COL4A3: variants seen among roughly 807,000 people sequenced by gnomAD.
The protein encoded by COL4A3 is collagen type IV alpha 3 chain.
COL4A3 carries 135 observed loss-of-function variants against 217.4 expected under a neutral mutation model. That is an observed-to-expected ratio of 0.62 (90% CI 0.54 to 0.72). The LOEUF (loss-of-function observed/expected upper bound fraction) is 0.72. Among genes scored for constraint, COL4A3 ranks in the 30% least tolerant of loss-of-function variants. The pLI, the probability that COL4A3 is intolerant of heterozygous loss-of-function variation, is 0.00. For missense variants in COL4A3, 1,868 were observed against 2,119.9 expected (o/e 0.88, Z 2.33); for synonymous variants, 690 against 736.3 (o/e 0.94, Z 1.02).
At chr2:227,294,713 G>C in intron 39 of COL4A3, 143 bp downstream of exon 39, 2 of 723,022 alleles carry the variant, frequency 2.8e-6, no homozygotes. Flanking sequence ...AAAAAATGGG[G>C]TTAGATATTT....
Position 227,164,738 on chromosome 2 carries a change from G to T in COL4A3, c.12G>T (p.Arg4=), listed in dbSNP as rs1332533087. The T allele has an allele frequency of 2.0e-5, 31 of 1,529,790 alleles. No homozygotes were observed. Among genetic ancestry groups the T allele is most frequent in the Non-Finnish European group, 2.4e-5 (27 of 1,145,016 alleles). 94.8% of individuals were successfully genotyped at this position (1,529,790 alleles called of 1,614,324 possible). A position where few individuals can be genotyped will look rare whatever the true frequency, so the allele number is the denominator to read the frequency against. The change falls in exon 1 of 52, where the codon CGG becomes CGT. Residue 4 remains arginine, a synonymous_variant. Transcript: ENST00000396578. This position sits in a 1 kb window ranked among gnomAD's most constrained non-coding sequence, Gnocchi z 4.8. MSA[R]TAPRPQVLLL... is the part of the protein sequence containing the mutation. ...AGCGCGCGCCCACCATGAGCGCCCGGACCGCCCCCAGGCCGCAGGTGCTCC... is the reference window on the plus strand; with the variant it reads ...AGCGCGCGCCCACCATGAGCGCCCGTACCGCCCCCAGGCCGCAGGTGCTCC...
intron 19 of COL4A3, among the ~76,000 whole-genome samples, chr2:227,260,401 G>A (rs2070478884): frequency 6.6e-6 from 1 of 152,144 alleles, no homozygotes; most frequent in Non-Finnish European, 1.5e-5. Context: ...CTTCTATAAT[G>A]GCCTCGTCAA....
intron 1 of COL4A3, among the ~76,000 whole-genome samples, chr2:227,188,321 A>T (rs907053037): frequency 1.3e-5 from 2 of 151,854 alleles, no homozygotes; most frequent in Non-Finnish European, 2.9e-5. Flanking sequence ...CCTTTTTTCT[A>T]GGAGAGTTTT....
intron 1 of COL4A3, among the ~76,000 whole-genome samples, chr2:227,179,450 G>C (rs1004665873): frequency 6.6e-6 from 1 of 152,130 alleles, no homozygotes; most frequent in East Asian, 1.9e-4. Context: ...TCTAAAAATA[G>C]TTTAACCTAC....
At chr2:227,290,183 T>C in intron 36 of COL4A3, 95 bp downstream of exon 36, 3 of 1,203,074 alleles carry the variant, frequency 2.5e-6, no homozygotes, top group Non-Finnish European at 3.7e-6. Context: ...TTCCACTTGG[T>C]AGAAAGCTTA....
Position 227,304,079 on chromosome 2 carries a change from C to G in COL4A3, c.4088C>G (p.Pro1363Arg). Residue 1363 changes from proline (P) to arginine (R), a missense_variant, in exon 46 of 52, where the codon CCT (proline) becomes CGT (arginine). By Grantham distance (103) the Pro-to-Arg change is moderately radical (BLOSUM62 -2). Transcript: ENST00000396578. ...TCCCTTCCAGGAAGCCCAGGGCCACCTGGCACACCTGGAGAACCAGGGATG... is the reference window on the plus strand; with the variant it reads ...TCCCTTCCAGGAAGCCCAGGGCCACGTGGCACACCTGGAGAACCAGGGATG... ...IISLPGSPGP[P>R]GTPGEPGMQG... 1.9e-6 allele frequency: 3 copies of G among 1,614,186 alleles called. No homozygotes were observed. Among genetic ancestry groups the G allele is most frequent in the Non-Finnish European group, 2.5e-6 (3 of 1,180,032 alleles).
rs779948497 is a variant in COL4A3 at position 227,256,389 on chromosome 2, G to A, written c.980G>A (p.Gly327Asp). The change falls in exon 17 of 52, where the codon GGC becomes GAC. Residue 327 changes from glycine (G) to aspartate (D), a missense_variant. Around this residue, in one of 2 missense-constraint regions of COL4A3, gnomAD observed 1,503 missense variants for 1,786.1 expected, o/e 0.84. Transcript: ENST00000396578. ...RGFPGLMGED[G>D]IKGQKGDIGP... ...TTCCCTGGGTTAATGGGTGAAGATGGCATTAAGGTAATCCTCTCCCTAATA... is the reference window on the plus strand; with the variant it reads ...TTCCCTGGGTTAATGGGTGAAGATGACATTAAGGTAATCCTCTCCCTAATA... 6.2e-7 allele frequency: 1 copy of A among 1,612,742 alleles called. No individual in the cohort carries two copies.
chr2:227,166,510 G>A (rs1559787734), intron 1 of COL4A3, among the ~76,000 whole-genome samples: 1 of 152,218 alleles, frequency 6.6e-6, no homozygotes, highest in Non-Finnish European at 1.5e-5. Flanking sequence ...GCCTGAAAAA[G>A]TAATGCTTGG....
chr2:227,304,096 C>T lies in COL4A3; in HGVS notation c.4105C>T (p.Pro1369Ser). Residue 1369 changes from proline (P) to serine (S), a missense_variant, in exon 46 of 52, where the codon CCA becomes TCA. Coordinates refer to ENST00000396578, the MANE Select transcript of COL4A3 (RefSeq NM_000091.5). ...AGGGCCACCTGGCACACCTGGAGAA[C>T]CAGGGATGCAGGGAGAACCTGGGCC... The part of the protein sequence containing the change: ...SPGPPGTPGE[P>S]GMQGEPGPPG... The T allele has an allele frequency of 6.2e-7, 1 of 1,614,186 alleles. No individual in the cohort carries two copies. The highest frequency in any genetic ancestry group is 1.3e-5 in the African/African-American group (1 of 75,056).
intron 40 of COL4A3, 36 bp downstream of exon 40, chr2:227,295,098 T>C (rs376113561): frequency 1.1e-5 from 17 of 1,586,104 alleles, no homozygotes; most frequent in African/African-American, 2.7e-5. Context: ...CCGTTAGTTT[T>C]ATTTTGGATA....
At chr2:227,292,059 A>G (rs1417152391) in intron 37 of COL4A3, among the ~76,000 whole-genome samples, 1 of 152,208 alleles carries the variant, frequency 6.6e-6, no homozygotes, top group Non-Finnish European at 1.5e-5. Context: ...ATGTTTGAAA[A>G]TGTTTTTGTA....
At chr2:227,226,482 T>C (rs1308378101) in intron 1 of COL4A3, among the ~76,000 whole-genome samples, 1 of 151,820 alleles carries the variant, frequency 6.6e-6, no homozygotes, top group Non-Finnish European at 1.5e-5. Context: ...TTTGTTTTTT[T>C]TTTTTTAGAT....
chr2:227,248,434 A>G lies in COL4A3; in HGVS notation c.469-9A>G, dbSNP rs1016662285. 2.5e-6 allele frequency: 4 copies of G among 1,587,594 alleles called. No individual in the cohort carries two copies. The highest frequency in any genetic ancestry group is 3.3e-4 in the Middle Eastern group (2 of 6,018). ...TTGATGATGTTTGATGAACTTCTTC[A>G]TTTTCAAGGGTGCTCCTGCTAAAGA... On this transcript the variant is annotated splice_polypyrimidine_tract_variant and intron_variant, in intron 8 of 51. Coordinates refer to ENST00000396578, the MANE Select transcript of COL4A3 (RefSeq NM_000091.5).
In COL4A3 at chr2:227,279,856, G is replaced by A. The variant is rs2071838155; in HGVS notation, c.2189G>A (p.Gly730Glu). The A allele has an allele frequency of 6.2e-7, 1 of 1,609,470 alleles. No individual in the cohort carries two copies. The highest frequency in any genetic ancestry group is 8.5e-7 in the Non-Finnish European group (1 of 1,178,040). ...LGCPGKMGEP[G>E]LPGKPGLPGA... ...TGTCCTGGAAAAATGGGAGAGCCTG[G>A]GTTACCTGGAAAGCCAGGCCTCCCA... Residue 730 changes from glycine to glutamate, a missense_variant, in exon 29 of 52, where the codon GGG (glycine) becomes GAG (glutamate). Physicochemically the swap from Gly to Glu is moderately conservative, Grantham distance 98. Around this residue, in one of 2 missense-constraint regions of COL4A3, gnomAD observed 1,503 missense variants for 1,786.1 expected, o/e 0.84. Coordinates refer to ENST00000396578, the MANE Select transcript of COL4A3 (RefSeq NM_000091.5).
At chr2:227,269,439 T>C (rs4608502) in intron 23 of COL4A3, among the ~76,000 whole-genome samples, 104,425 of 152,032 alleles carry the variant, frequency 0.69, 36,183 homozygotes, top group African/African-American at 0.79. Flanking sequence ...CCATTTAAAA[T>C]GAAGCTATAA....
intron 36 of COL4A3, 101 bp from the exon 37 acceptor site, chr2:227,290,646 A>T: frequency 8.9e-7 from 1 of 1,128,986 alleles, no homozygotes; most frequent in Non-Finnish European, 1.3e-6. Flanking sequence ...CAATTCTGAA[A>T]AAGCCATTCT....
chr2:227,284,667 TA>T (rs2072207945), intron 34 of COL4A3, among the ~76,000 whole-genome samples: 1 of 152,166 alleles, frequency 6.6e-6, no homozygotes, highest in Non-Finnish European at 1.5e-5. Flanking sequence ...ATTAAACCCT[TA>T]AAAAAATTCC....
rs1425969633 is a variant in COL4A3, at chr2:227,253,613, C to A, written c.740C>A (p.Thr247Asn). 1.2e-6 allele frequency: 2 copies of A among 1,614,014 alleles called. No individual in the cohort carries two copies. The highest frequency in any genetic ancestry group is 1.1e-5 in the South Asian group (1 of 91,074). Residue 247 changes from threonine (T) to asparagine (N), a missense_variant, in exon 13 of 52, where the codon ACC (threonine) becomes AAC (asparagine). By Grantham distance (65) the Thr-to-Asn change is moderately conservative. Around this residue, in one of 2 missense-constraint regions of COL4A3, gnomAD observed 365 missense variants for 333.8 expected, o/e 1.09. Coordinates refer to ENST00000396578, the MANE Select transcript of COL4A3 (RefSeq NM_000091.5). The surrounding 1 kb of genome is among the most constrained non-coding windows in gnomAD (Gnocchi z 4.4). ...GGACCACCAGGAACAGTTATTGTGA[C>A]CCTAACTGGCCCAGATAACAGAACG... ...PPGPPGTVIV[T>N]LTGPDNRTDL...
At chr2:227,304,181 A>G in intron 46 of COL4A3, 37 bp downstream of exon 46, 2 of 1,612,698 alleles carry the variant, frequency 1.2e-6, no homozygotes, top group Non-Finnish European at 1.7e-6. Context: ...ATCACTAGGA[A>G]GTGGTTGAAC....
Sources: gnomAD v4.1 joint callset for allele counts (sites outside exome capture counted in the v4.1 genomes callset) on GRCh38, gnomAD v4.1.1 for gene constraint, gnomAD v4.1.1 regional missense constraint, Gnocchi (gnomAD v3.1) non-coding constraint, MANE v1.5 for transcripts, NCBI Gene and HGNC (gene_info 2026-07-23, HGNC 2026-07-21) for gene names.